WDPCP: variants seen among roughly 807,000 people sequenced by gnomAD.
The protein encoded by WDPCP is WD repeat containing planar cell polarity effector.
In WDPCP, 71 loss-of-function variants were observed where a neutral mutation model predicts 93.1. The ratio of observed to expected loss-of-function variants is 0.76; its 90% CI spans 0.63 to 0.93. The LOEUF (loss-of-function observed/expected upper bound fraction) is 0.93, where lower values mean the gene tolerates loss of function less well. WDPCP is among the 40% of genes least tolerant of loss of function. WDPCP has a pLI of 0.00. For synonymous variants in WDPCP, 315 were observed against 315.0 expected (o/e 1.00, Z 0.00); for missense variants, 844 against 887.4 (o/e 0.95, Z 0.62).
chr2:63,798,766 C>G (rs1454034399), intron 2 of WDPCP, among the ~76,000 whole-genome samples: 2 of 152,036 alleles, frequency 1.3e-5, no homozygotes, highest in Non-Finnish European at 2.9e-5. Context: ...ACTCTCCAAT[C>G]AAAAGACAGA....
chr2:63,500,452 GGGGT>G (rs1553412909), intron 1 of WDPCP, among the ~76,000 whole-genome samples: 11 of 22,306 alleles, frequency 4.9e-4, no homozygotes, highest in Middle Eastern at 0.025. Flanking sequence ...AAATGGTGTG[GGGGT>G]GTGTGTGTGT....
At chr2:63,374,520 T>G (rs1691681800) in intron 12 of WDPCP, among the ~76,000 whole-genome samples, 1 of 152,178 alleles carries the variant, frequency 6.6e-6, no homozygotes, top group Non-Finnish European at 1.5e-5. Context: ...ATACAAATGT[T>G]GTATTTACTA....
intron 13 of WDPCP, among the ~76,000 whole-genome samples, chr2:63,259,816 C>G (rs766232855): frequency 1.3e-5 from 2 of 152,140 alleles, no homozygotes; most frequent in Non-Finnish European, 2.9e-5. Context: ...CTGCATATGG[C>G]ATATATTTGT....
chr2:63,308,537 T>G (rs1175073725), intron 13 of WDPCP, among the ~76,000 whole-genome samples: 1 of 152,196 alleles, frequency 6.6e-6, no homozygotes. Context: ...ATGTGGCACA[T>G]ATACACCATG....
chr2:63,238,756 G>A (rs1249235987), intron 14 of WDPCP, among the ~76,000 whole-genome samples: 1 of 152,108 alleles, frequency 6.6e-6, no homozygotes, highest in Non-Finnish European at 1.5e-5. Flanking sequence ...TTCAGTTCTT[G>A]TATTTGTAGA....
At chr2:63,750,469 T>C (rs1669863426) in intron 2 of WDPCP, among the ~76,000 whole-genome samples, 1 of 152,080 alleles carries the variant, frequency 6.6e-6, no homozygotes, top group African/African-American at 2.4e-5. Flanking sequence ...TAGTTTTACT[T>C]CAAGTTTTTA....
chr2:63,221,612 G>A (rs1487470957), intron 14 of WDPCP, among the ~76,000 whole-genome samples: 1 of 152,184 alleles, frequency 6.6e-6, no homozygotes, highest in East Asian at 1.9e-4. Flanking sequence ...GGAGGTACAT[G>A]TATCACAAAA....
chr2:63,501,130 A>G (rs977034196), intron 1 of WDPCP, among the ~76,000 whole-genome samples: 4 of 152,224 alleles, frequency 2.6e-5, no homozygotes, highest in African/African-American at 9.6e-5. Context: ...TAGTATTTTT[A>G]ATTATAAAAT....
At position 63,122,036 on chromosome 2, in the gene WDPCP, A is replaced by G. The variant is rs1369325564; in HGVS notation, c.2211T>C (p.Ser737=). ...GREQEIRDGG[S]LKMIHFGLV Reference sequence around the variant, plus strand: ...CCAGACCAAAGTGAATCATTTTGAGAGAACCACCATCTCTGATTTCCTGCA... The same window carrying G: ...CCAGACCAAAGTGAATCATTTTGAGGGAACCACCATCTCTGATTTCCTGCA... Residue 737 remains serine (S), a synonymous_variant, in exon 18 of 18, where the codon TCT becomes TCC. Transcript: ENST00000272321. The G allele has an allele frequency of 1.2e-6, 2 of 1,613,180 alleles. No individual in the cohort carries two copies. The highest frequency in any genetic ancestry group is 1.7e-6 in the Non-Finnish European group (2 of 1,179,424).
chr2:63,237,088 A>G (rs956492379), intron 14 of WDPCP, among the ~76,000 whole-genome samples: 7 of 152,158 alleles, frequency 4.6e-5, no homozygotes, highest in Non-Finnish European at 8.8e-5. Context: ...TACACCTCCA[A>G]CAAAGGACTA....
intron 14 of WDPCP, among the ~76,000 whole-genome samples, chr2:63,210,889 G>C (rs1002227798): frequency 6.6e-6 from 1 of 152,234 alleles, no homozygotes; most frequent in East Asian, 1.9e-4. Flanking sequence ...AAACTGCAAG[G>C]GGGCAGCAAG....
chr2:63,721,398 A>G (rs1669410340), intron 2 of WDPCP, among the ~76,000 whole-genome samples: 1 of 152,160 alleles, frequency 6.6e-6, no homozygotes, highest in Non-Finnish European at 1.5e-5. Flanking sequence ...CTTGTCTATT[A>G]TGGCCCAAGC....
chr2:63,691,999 T>A (rs1668897778), intron 2 of WDPCP, among the ~76,000 whole-genome samples: 1 of 151,904 alleles, frequency 6.6e-6, no homozygotes, highest in Admixed American at 6.6e-5. Flanking sequence ...GACCTACTCA[T>A]TGTCTATAAA....
chr2:63,243,359 C>A (rs550443601), intron 14 of WDPCP, among the ~76,000 whole-genome samples: 2 of 152,044 alleles, frequency 1.3e-5, no homozygotes, highest in African/African-American at 4.8e-5. Context: ...ATGTCCTTTG[C>A]CCACTTTTAA....
chr2:63,144,668 G>T (rs1334693958), intron 17 of WDPCP, among the ~76,000 whole-genome samples: 1 of 152,040 alleles, frequency 6.6e-6, no homozygotes, highest in Non-Finnish European at 1.5e-5. Flanking sequence ...TCACTTTTTG[G>T]ATTTCCTCGC....
At chr2:63,294,323 G>GA (rs1268864486) in intron 13 of WDPCP, among the ~76,000 whole-genome samples, 1 of 150,996 alleles carries the variant, frequency 6.6e-6, no homozygotes, top group African/African-American at 2.4e-5. Flanking sequence ...GGCCAACAGG[G>GA]GAAACCCCAT....
At chr2:63,699,938 G>A (rs369768316) in intron 2 of WDPCP, among the ~76,000 whole-genome samples, 1 of 152,114 alleles carries the variant, frequency 6.6e-6, no homozygotes, top group Non-Finnish European at 1.5e-5. Context: ...TTGAGCAGGG[G>A]TGTGAGGTTA....
intron 14 of WDPCP, among the ~76,000 whole-genome samples, chr2:63,242,312 T>C (rs969794189): frequency 2.6e-5 from 4 of 152,210 alleles, no homozygotes; most frequent in Non-Finnish European, 4.4e-5. Context: ...TTGGAAGGAT[T>C]TCATAATATG....
chr2:63,495,426 GTTT>G (rs1470609148), intron 1 of WDPCP, among the ~76,000 whole-genome samples: 1 of 152,066 alleles, frequency 6.6e-6, no homozygotes, highest in Non-Finnish European at 1.5e-5. Context: ...TTACAGTTAA[GTTT>G]TTTTCTTAAC....
Sources: allele counts gnomAD v4.1 joint callset (sites outside exome capture counted in the v4.1 genomes callset), GRCh38; gene constraint gnomAD v4.1.1; transcripts MANE v1.5; gene names NCBI Gene and HGNC (gene_info 2026-07-23, HGNC 2026-07-21).